SIDT1: variants seen among roughly 807,000 people sequenced by gnomAD.
The protein encoded by SIDT1 is SID1 transmembrane family, member 1.
SIDT1 carries 101 observed loss-of-function variants against 107.5 expected under a neutral mutation model. The ratio of observed to expected loss-of-function variants is 0.94; its 90% confidence interval spans 0.80 to 1.11. The LOEUF is 1.11. SIDT1 is among the 50% of genes least tolerant of loss of function. The probability of loss-of-function intolerance (pLI) is 0.00; values close to 1 mark genes in which losing one functional copy is unlikely to be tolerated. For missense variants in SIDT1, 1,076 were observed against 1,058.2 expected (o/e 1.02, Z -0.23); for synonymous variants, 395 against 398.2 (o/e 0.99, Z 0.10).
intron 3 of SIDT1, among the ~76,000 whole-genome samples, chr3:113,569,879 T>C (rs28564696): frequency 0.29 from 44,548 of 152,016 alleles, 7,281 homozygotes; most frequent in East Asian, 0.59. Flanking sequence ...TACCCTAAAA[T>C]GATTTCTAAA....
intron 1 of SIDT1, among the ~76,000 whole-genome samples, chr3:113,539,446 T>C (rs1236433495): frequency 6.6e-6 from 1 of 152,182 alleles, no homozygotes; most frequent in Admixed American, 6.5e-5. Flanking sequence ...GTCTATTCCT[T>C]GGAGCAATAG....
chr3:113,561,376 G>A (rs551587548), intron 1 of SIDT1, among the ~76,000 whole-genome samples: 14 of 152,194 alleles, frequency 9.2e-5, no homozygotes, highest in African/African-American at 3.4e-4. Context: ...ATTATGACTA[G>A]TAAGAACATT....
intron 1 of SIDT1, among the ~76,000 whole-genome samples, chr3:113,559,237 A>G (rs1361542604): frequency 6.6e-6 from 1 of 152,234 alleles, no homozygotes; most frequent in Admixed American, 6.5e-5. Context: ...ATGTGAACTC[A>G]TCTTCAACTG....
intron 1 of SIDT1, among the ~76,000 whole-genome samples, chr3:113,551,154 C>T (rs894227756): frequency 1.3e-5 from 2 of 152,134 alleles, no homozygotes; most frequent in African/African-American, 4.8e-5. Context: ...TTTCTTTATC[C>T]AATCTATCAT....
At chr3:113,578,231 T>C (rs4560271) in intron 4 of SIDT1, among the ~76,000 whole-genome samples, 44,658 of 152,062 alleles carry the variant, frequency 0.29, 7,294 homozygotes, top group East Asian at 0.59. Flanking sequence ...TTTGGGAGGC[T>C]GAGGCGGGCA....
Position 113,533,220 on chromosome 3 carries a change from A to G in SIDT1, c.199A>G (p.Asn67Asp), listed in dbSNP as rs752688184. Residue 67 changes from asparagine to aspartate, a missense_variant, in exon 1 of 25, where the codon AAC (asparagine) becomes GAC (aspartate). Physicochemically the swap from Asn to Asp is conservative, Grantham distance 23. Coordinates refer to ENST00000264852, the MANE Select transcript of SIDT1 (RefSeq NM_017699.3). The stretch of plus-strand genomic sequence containing the variant: ...CAGCACCGAGAACATCTACTCTTTC[A>G]ACTACACCAGCCAGCCCGACCAGGT... The part of the protein sequence containing the change: ...NLSTENIYSF[N>D]YTSQPDQVTA... The G allele has an allele frequency of 7.3e-6, 11 of 1,504,192 alleles. No homozygotes were observed. The African/African-American group carries it at 1.6e-4, about 22-fold the overall frequency. The allele number at this position is 1,504,192 out of a possible 1,614,324, so 93.2% of individuals were successfully genotyped here.
chr3:113,559,481 G>T (rs1040056563), intron 1 of SIDT1, among the ~76,000 whole-genome samples: 2 of 147,704 alleles, frequency 1.4e-5, no homozygotes, highest in Admixed American at 1.4e-4. Context: ...CACTCCCATT[G>T]CCCAGGCTGC....
intron 6 of SIDT1, among the ~76,000 whole-genome samples, chr3:113,582,767 C>T (rs1052041569): frequency 6.6e-6 from 1 of 152,058 alleles, no homozygotes; most frequent in African/African-American, 2.4e-5. Context: ...AAATGATTTA[C>T]AGCTATGCCT....
intron 9 of SIDT1, among the ~76,000 whole-genome samples, chr3:113,589,102 C>T (rs1261173873): frequency 8.5e-5 from 13 of 152,196 alleles, no homozygotes; most frequent in Admixed American, 8.5e-4. Flanking sequence ...TCGGAATTAG[C>T]ACAATGTTAC....
rs746713345 is a variant in SIDT1, at chr3:113,581,449, G to A, written c.747+5G>A. ...AAAGCTGCCATCACGCTACAGGTGA[G>A]GCATTGCTTCTGTGGGCATTATTGC... On this transcript the variant is annotated splice_donor_5th_base_variant and intron_variant, in intron 6 of 24. Transcript: ENST00000264852. The A allele has an allele frequency of 2.5e-5, 41 of 1,610,384 alleles. No homozygotes were observed. The highest frequency in any genetic ancestry group is 8.3e-5 in the Admixed American group (5 of 60,006).
chr3:113,626,264 G>GTGACTTTC, intron 24 of SIDT1, 49 bp downstream of exon 24: 1 of 1,259,108 alleles, frequency 7.9e-7, no homozygotes, highest in Admixed American at 1.8e-5. Context: ...TTTACATCTT[G>GTGACTTTC]TACTCTCTTT....
chr3:113,623,576 G>A (rs1946630056), intron 22 of SIDT1, 44 bp downstream of exon 22: 1 of 1,599,796 alleles, frequency 6.3e-7, no homozygotes, highest in Non-Finnish European at 8.6e-7. Flanking sequence ...CCCTCGGGCA[G>A]GCGAAGGCGG....
chr3:113,607,407 A>G lies in SIDT1; in HGVS notation c.1478+293A>G, dbSNP rs746417046. Among the ~76,000 whole-genome samples, 5 of 152,140 alleles carry G rather than the reference A, an allele frequency of 3.3e-5. 1 individual carries two copies. Among genetic ancestry groups the G allele is most frequent in the Non-Finnish European group, 7.4e-5 (5 of 68,022 alleles). ...GTTCACAGGCATGAGCTGGCAACCT[A>G]TTGTCTCATTCGATCCATTAAACAA... On this transcript the variant is annotated intron_variant, in intron 15 of 24. Coordinates refer to ENST00000264852, the MANE Select transcript of SIDT1 (RefSeq NM_017699.3).
Position 113,612,267 on chromosome 3 carries a change from A to T in SIDT1, c.1966+73A>T, listed in dbSNP as rs886765770. ...GAAAAAGCAGACACTGCCTTTACTT[A>T]TGCTGAATGAAAGTGTCACTGGTCA... On this transcript the variant is annotated intron_variant, in intron 19 of 24. Transcript: ENST00000264852. The T allele has an allele frequency of 4.7e-6, 5 of 1,067,956 alleles. No individual in the cohort carries two copies. The African/African-American group carries it at 7.8e-5, about 17-fold the overall frequency. The allele number at this position is 1,067,956 out of a possible 1,614,324, so 66.2% of individuals were successfully genotyped here.
chr3:113,534,472 T>C (rs913002562), intron 1 of SIDT1, among the ~76,000 whole-genome samples: 3 of 152,228 alleles, frequency 2.0e-5, no homozygotes, highest in Admixed American at 6.5e-5. Context: ...TGTCCTCCAG[T>C]AACCTTCAGG....
At chr3:113,566,956 T>C (rs1359656263) in intron 2 of SIDT1, among the ~76,000 whole-genome samples, 1 of 152,212 alleles carries the variant, frequency 6.6e-6, no homozygotes, top group African/African-American at 2.4e-5. Context: ...TGTTGGGTGC[T>C]GGAGACACAG....
chr3:113,611,174 C>A, intron 18 of SIDT1, 30 bp downstream of exon 18: 1 of 1,609,364 alleles, frequency 6.2e-7, no homozygotes, highest in Non-Finnish European at 8.5e-7. Context: ...CCACCTGGCT[C>A]TCGAAAAGTG....
intron 4 of SIDT1, among the ~76,000 whole-genome samples, chr3:113,578,003 T>C (rs1943035445): frequency 1.3e-5 from 2 of 152,212 alleles, no homozygotes. Flanking sequence ...CCAATCCACT[T>C]TTAAACTTCC....
intron 1 of SIDT1, among the ~76,000 whole-genome samples, chr3:113,554,558 C>T (rs887069175): frequency 6.6e-6 from 1 of 152,208 alleles, no homozygotes; most frequent in Non-Finnish European, 1.5e-5. Flanking sequence ...CAAGACGTGC[C>T]TTTGCTCCTC....
Sources: allele counts gnomAD v4.1 joint callset (sites outside exome capture counted in the v4.1 genomes callset), GRCh38; gene constraint gnomAD v4.1.1; transcripts MANE v1.5; gene names NCBI Gene and HGNC (gene_info 2026-07-23, HGNC 2026-07-21).